DCUN1D1: variants seen among roughly 807,000 people sequenced by gnomAD.
DCUN1D1 encodes the protein DCN1-like protein 1.
DCUN1D1 carries 3 observed loss-of-function variants against 39.0 expected under a neutral mutation model. The observed-to-expected ratio is 0.08, with a 90% CI of 0.04 to 0.20. The LOEUF (loss-of-function observed/expected upper bound fraction) is 0.20, where lower values mean the gene tolerates loss of function less well. Among genes scored for constraint, DCUN1D1 ranks in the 10% least tolerant of loss-of-function variants. The pLI, the probability that DCUN1D1 is intolerant of heterozygous loss-of-function variation, is 1.00. For synonymous variants in DCUN1D1, 82 were observed against 96.3 expected, an observed-to-expected ratio of 0.85 and a Z score of 0.87; for missense variants, 158 against 302.4, an observed-to-expected ratio of 0.52 and a Z score of 3.54.
chr3:182,955,291 C>T (rs1358181200), intron 4 of DCUN1D1: 1 of 543,074 alleles, frequency 1.8e-6, no homozygotes, highest in Non-Finnish European at 3.7e-6. Context: ...AAATCCAAAT[C>T]ATCATCACTT....
At chr3:182,971,669 C>T (rs1456613387) in intron 1 of DCUN1D1, among the ~76,000 whole-genome samples, 1 of 151,988 alleles carries the variant, frequency 6.6e-6, no homozygotes, top group African/African-American at 2.4e-5. Context: ...TGAGCTTCTA[C>T]TGTGTGCCAG....
At chr3:182,977,750 T>TA (rs1728311374) in intron 1 of DCUN1D1, among the ~76,000 whole-genome samples, 1 of 151,762 alleles carries the variant, frequency 6.6e-6, no homozygotes, top group Non-Finnish European at 1.5e-5. Context: ...TTTTTAAAAA[T>TA]ATGTTTCAGG....
chr3:182,955,353 A>G (rs1577170446), intron 4 of DCUN1D1: 1 of 542,304 alleles, frequency 1.8e-6, no homozygotes, highest in Non-Finnish European at 3.7e-6. Context: ...ATTATTTTCA[A>G]TATTCTCTGT....
In DCUN1D1 at chr3:182,961,327, T is replaced by A. The variant is rs989028585; in HGVS notation, c.419A>T (p.Gln140Leu). The change falls in exon 4 of 7, where the codon CAG becomes CTG. Residue 140 changes from glutamine to leucine, a missense_variant. Physicochemically the swap from Gln to Leu is moderately radical, Grantham distance 113 (BLOSUM62 -2). Around this residue, in one of 4 missense-constraint regions of DCUN1D1, gnomAD observed 107 missense variants for 174.7 expected, o/e 0.61. Coordinates refer to ENST00000292782, the MANE Select transcript of DCUN1D1 (RefSeq NM_020640.4). ...CAATTCTTGTTCCATCTTGGGTATC[T>A]GGGCCTTTAGTTTTTCTATGCTGTC... The part of the protein sequence containing the change: ...GCDSIEKLKA[Q>L]IPKMEQELKE... 6.2e-7 allele frequency: 1 copy of A among 1,603,932 alleles called. No individual in the cohort carries two copies. The highest frequency in any genetic ancestry group is 1.7e-5 in the Admixed American group (1 of 57,932).
rs879366850 is a variant in DCUN1D1, at chr3:182,941,953, C to T, written c.*3141G>A. On this transcript the variant is annotated 3_prime_UTR_variant, in exon 7 of 7. Coordinates refer to ENST00000292782, the MANE Select transcript of DCUN1D1 (RefSeq NM_020640.4). ...GTGTACATTAAGTTAGCTACTACTACTCACTTCTTGATTATCATCAAATAA... is the reference window on the plus strand; with the variant it reads ...GTGTACATTAAGTTAGCTACTACTATTCACTTCTTGATTATCATCAAATAA... 4 of 152,062 alleles carry T rather than the reference C, an allele frequency of 2.6e-5. No homozygotes were observed. Among genetic ancestry groups the T allele is most frequent in the Non-Finnish European group, 5.9e-5 (4 of 67,954 alleles). 9.4% of individuals were successfully genotyped at this position (152,062 alleles called of 1,614,324 possible).
upstream of DCUN1D1, chr3:182,980,638 A>G: frequency 2.0e-6 from 2 of 978,512 alleles, no homozygotes; most frequent in Non-Finnish European, 2.5e-6. Context: ...GCAGCCCCGG[A>G]CCTCGGGGAG....
intron 4 of DCUN1D1, 79 bp downstream of exon 4, chr3:182,961,147 A>C: frequency 9.7e-7 from 1 of 1,031,136 alleles, no homozygotes; most frequent in Non-Finnish European, 1.4e-6. Flanking sequence ...AAAACACATA[A>C]CTTTCTATTA....
chr3:182,947,053 T>A (rs1307868575), intron 6 of DCUN1D1, among the ~76,000 whole-genome samples, 185 bp downstream of exon 6: 6 of 152,114 alleles, frequency 3.9e-5, no homozygotes, highest in Non-Finnish European at 5.9e-5. Flanking sequence ...CAATAAGCCA[T>A]GCTTGCACCA....
intron 1 of DCUN1D1, among the ~76,000 whole-genome samples, chr3:182,972,812 G>T (rs1035799299): frequency 2.0e-5 from 3 of 152,292 alleles, no homozygotes; most frequent in Non-Finnish European, 2.9e-5. Context: ...AGGCCAAGAG[G>T]GGGGCGGATC....
chr3:182,946,556 C>CAAAAAAA (rs71185614), intron 6 of DCUN1D1, among the ~76,000 whole-genome samples: 9 of 61,464 alleles, frequency 1.5e-4, no homozygotes, highest in South Asian at 1.5e-3. Context: ...GACTCCATCT[C>CAAAAAAA]AAAAAAAAAA....
At chr3:182,980,157 C>A (rs1482513387) in intron 1 of DCUN1D1, 2 of 617,156 alleles carry the variant, frequency 3.2e-6, no homozygotes, top group South Asian at 7.0e-5. Context: ...CCCCTCCCCT[C>A]CCCCCGCCCC....
At chr3:182,964,769 T>C (rs1280046495) in intron 2 of DCUN1D1, among the ~76,000 whole-genome samples, 1 of 151,588 alleles carries the variant, frequency 6.6e-6, no homozygotes, top group Non-Finnish European at 1.5e-5. Flanking sequence ...GCCTCCTGAG[T>C]AGCGGGGACT....
intron 3 of DCUN1D1, among the ~76,000 whole-genome samples, chr3:182,962,467 G>A (rs1469667658): frequency 6.6e-6 from 1 of 152,218 alleles, no homozygotes; most frequent in African/African-American, 2.4e-5. Context: ...TAGTGTGTGG[G>A]AAGGTCCCAG....
intron 3 of DCUN1D1, 131 bp from the exon 4 acceptor site, chr3:182,961,487 C>A: frequency 1.2e-6 from 1 of 850,070 alleles, no homozygotes; most frequent in Non-Finnish European, 1.8e-6. Flanking sequence ...CGAATTCAGT[C>A]TTTTTATATT....
chr3:182,961,018 T>C (rs940578029), intron 4 of DCUN1D1, among the ~76,000 whole-genome samples: 1 of 152,156 alleles, frequency 6.6e-6, no homozygotes, highest in African/African-American at 2.4e-5. Flanking sequence ...AAAGCAAAAG[T>C]CAGTGGTTCA....
chr3:182,969,338 C>T (rs914179921), intron 1 of DCUN1D1, among the ~76,000 whole-genome samples: 5 of 152,066 alleles, frequency 3.3e-5, no homozygotes, highest in Non-Finnish European at 7.4e-5. Context: ...CAGTATGGCA[C>T]TAAAGATTTA....
At chr3:182,954,942 G>A (rs892225775) in intron 4 of DCUN1D1, among the ~76,000 whole-genome samples, 1 of 151,852 alleles carries the variant, frequency 6.6e-6, no homozygotes, top group Non-Finnish European at 1.5e-5. Flanking sequence ...TCTAAAATTT[G>A]TCTACTTTTC....
Position 182,963,974 on chromosome 3 carries a change from C to T in DCUN1D1, c.296G>A (p.Ser99Asn). 1 of 1,614,084 alleles carries T rather than the reference C, an allele frequency of 6.2e-7. No homozygotes were observed. The highest frequency in any genetic ancestry group is 1.1e-5 in the South Asian group (1 of 91,074). ...CCACGCAATAATCAACACACTAATG[C>T]TGGCTGGATCGAGTGCCAGGTCATC... ...FCDDLALDPA[S>N]ISVLIIAWKF... The change falls in exon 3 of 7, where the codon AGC (serine) becomes AAC (asparagine). Residue 99 changes from serine to asparagine, a missense_variant. Ser to Asn is a conservative substitution (Grantham distance 46). Coordinates refer to ENST00000292782, the MANE Select transcript of DCUN1D1 (RefSeq NM_020640.4).
intron 4 of DCUN1D1, among the ~76,000 whole-genome samples, chr3:182,954,912 C>A (rs1459939776): frequency 1.3e-5 from 2 of 152,110 alleles, no homozygotes; most frequent in African/African-American, 4.8e-5. Context: ...ATACATCATA[C>A]ACAATTTATA....
Sources: gnomAD v4.1 joint callset for allele counts (sites outside exome capture counted in the v4.1 genomes callset) on GRCh38, gnomAD v4.1.1 for gene constraint, gnomAD v4.1.1 regional missense constraint, MANE v1.5 for transcripts, NCBI Gene and HGNC (gene_info 2026-07-23, HGNC 2026-07-21) for gene names.